The following KCNJ6 variants were observed in gnomAD, a reference collection of about 807,000 sequenced individuals.
The protein encoded by KCNJ6 is potassium inwardly rectifying channel subfamily J member 6, also known as G protein-activated inward rectifier potassium channel 2.
A neutral mutation model predicts 34.2 loss-of-function variants in KCNJ6; 9 were observed. The observed-to-expected ratio is 0.26, with a 90% confidence interval of 0.16 to 0.46. The LOEUF is 0.46. Ranked by LOEUF, KCNJ6 falls within the 20% of genes least tolerant of loss-of-function variation. The probability of loss-of-function intolerance (pLI) is 1.00; values close to 1 mark genes in which losing one functional copy is unlikely to be tolerated. For synonymous variants in KCNJ6, 196 were observed against 207.1 expected, an observed-to-expected ratio of 0.95 and a Z score of 0.46; for missense variants, 236 against 531.3, an observed-to-expected ratio of 0.44 and a Z score of 5.46.
chr21:37,629,811 T>C (rs573975865), intron 3 of KCNJ6, among the ~76,000 whole-genome samples: 2 of 152,362 alleles, frequency 1.3e-5, no homozygotes, highest in African/African-American at 4.8e-5. Flanking sequence ...TAGTGCCATT[T>C]GAAGAGGAGT....
chr21:37,637,099 T>A (rs1206448696), intron 3 of KCNJ6, among the ~76,000 whole-genome samples: 1 of 152,208 alleles, frequency 6.6e-6, no homozygotes, highest in African/African-American at 2.4e-5. Flanking sequence ...ATCAGTGCAG[T>A]AATAAAGTGT....
At chr21:37,764,838 G>A (rs758637413) in intron 2 of KCNJ6, among the ~76,000 whole-genome samples, 3 of 152,214 alleles carry the variant, frequency 2.0e-5, no homozygotes, top group Non-Finnish European at 2.9e-5. Context: ...ATTGAGGGTG[G>A]TTGATGGGGG....
chr21:37,679,238 C>T (rs2054580305), intron 3 of KCNJ6, among the ~76,000 whole-genome samples: 1 of 152,198 alleles, frequency 6.6e-6, no homozygotes, highest in Non-Finnish European at 1.5e-5. Flanking sequence ...CATAAGTACT[C>T]AGCTAAGTAG....
At chr21:37,653,790 T>C (rs2054444628) in intron 3 of KCNJ6, among the ~76,000 whole-genome samples, 3 of 152,226 alleles carry the variant, frequency 2.0e-5, no homozygotes, top group Admixed American at 6.5e-5. Flanking sequence ...TCCATTCTTA[T>C]CAGGTTGCAC....
chr21:37,897,226 C>T (rs548415952), intron 1 of KCNJ6, among the ~76,000 whole-genome samples: 49 of 152,310 alleles, frequency 3.2e-4, no homozygotes, highest in African/African-American at 1.2e-3. Context: ...CCTTACAGAA[C>T]CCCCATTGGT....
chr21:37,796,985 G>T (rs796225985), intron 2 of KCNJ6, among the ~76,000 whole-genome samples: 20 of 151,394 alleles, frequency 1.3e-4, no homozygotes, highest in African/African-American at 4.1e-4. Context: ...AGTAGAGACG[G>T]GGTTTCACCT....
chr21:37,809,058 A>G (rs2055308015), intron 2 of KCNJ6, among the ~76,000 whole-genome samples: 1 of 152,250 alleles, frequency 6.6e-6, no homozygotes, highest in Admixed American at 6.5e-5. Flanking sequence ...TCATGCTGCT[A>G]TAAAGACACA....
chr21:37,787,111 AG>A (rs2055196347), intron 2 of KCNJ6, among the ~76,000 whole-genome samples: 1 of 152,200 alleles, frequency 6.6e-6, no homozygotes, highest in Non-Finnish European at 1.5e-5. Flanking sequence ...CTCTGAATTC[AG>A]GCCAGCATCT....
chr21:37,863,682 A>G (rs1397600298), intron 1 of KCNJ6, among the ~76,000 whole-genome samples: 1 of 152,126 alleles, frequency 6.6e-6, no homozygotes, highest in East Asian at 1.9e-4. Flanking sequence ...ATTAGCTGGA[A>G]TTAAGAGCTA....
At chr21:37,861,555 C>T (rs1051516281) in intron 1 of KCNJ6, among the ~76,000 whole-genome samples, 7 of 152,160 alleles carry the variant, frequency 4.6e-5, no homozygotes, top group Middle Eastern at 6.3e-3. Context: ...CAATTTAGCC[C>T]CTAACATCTG....
chr21:37,899,240 T>C (rs1314542672), intron 1 of KCNJ6, among the ~76,000 whole-genome samples: 2 of 152,162 alleles, frequency 1.3e-5, no homozygotes, highest in African/African-American at 4.8e-5. Context: ...CTTTTGTGTA[T>C]AATCTCGGTA....
intron 1 of KCNJ6, among the ~76,000 whole-genome samples, chr21:37,882,101 G>A (rs2055711759): frequency 6.6e-6 from 1 of 152,190 alleles, no homozygotes; most frequent in South Asian, 2.1e-4. Flanking sequence ...TGAGAATTCA[G>A]TTAGAAGCTC....
chr21:37,821,297 A>G (rs954687060), intron 2 of KCNJ6, among the ~76,000 whole-genome samples: 1 of 152,188 alleles, frequency 6.6e-6, no homozygotes, highest in African/African-American at 2.4e-5. Flanking sequence ...CACTACCTCC[A>G]TCTAGTTCCC....
At chr21:37,664,187 A>G (rs969826316) in intron 3 of KCNJ6, among the ~76,000 whole-genome samples, 4 of 152,194 alleles carry the variant, frequency 2.6e-5, no homozygotes, top group African/African-American at 9.6e-5. Flanking sequence ...CTACATATAA[A>G]AAGTTTTGGG....
chr21:37,697,350 G>A (rs745729631), intron 3 of KCNJ6, among the ~76,000 whole-genome samples: 5 of 152,120 alleles, frequency 3.3e-5, no homozygotes, highest in Non-Finnish European at 7.4e-5. Context: ...AGGGTGTGAA[G>A]AATTTCGATT....
In KCNJ6 at chr21:37,881,684, C is replaced by T. The variant is rs189871681; in HGVS notation, c.-28+34200G>A. On this transcript the variant is annotated intron_variant, in intron 1 of 3. Coordinates refer to ENST00000609713, the MANE Select transcript of KCNJ6 (RefSeq NM_002240.5). ...GTATGAGTCTCCACCTCTTCTTCCT[C>T]GTCTTCTAAGACCACCTATCCTATT... is the stretch of plus-strand genomic sequence containing the variant. Among the ~76,000 whole-genome samples, 280 of 152,254 alleles carry T rather than the reference C, an allele frequency of 1.8e-3. 2 individuals carry two copies. Among genetic ancestry groups the T allele is most frequent in the Admixed American group, 3.3e-3 (51 of 15,286 alleles).
chr21:37,765,738 T>C (rs1445027025), intron 2 of KCNJ6, among the ~76,000 whole-genome samples: 1 of 152,214 alleles, frequency 6.6e-6, no homozygotes. Context: ...ATTAAAGAAG[T>C]TGTTCAAGTC....
At chr21:37,914,008 G>GGTGTGTGT (rs371432862) in intron 1 of KCNJ6, among the ~76,000 whole-genome samples, 12,914 of 135,434 alleles carry the variant, frequency 0.095, 736 homozygotes, top group East Asian at 0.15. Flanking sequence ...GGCGGATCGG[G>GGTGTGTGT]GTGTGTGTGT....
At chr21:37,694,593 T>C (rs1249304703) in intron 3 of KCNJ6, among the ~76,000 whole-genome samples, 2 of 152,194 alleles carry the variant, frequency 1.3e-5, no homozygotes, top group East Asian at 1.9e-4. Flanking sequence ...GGGGAACTTA[T>C]GTGGAGGCTA....
Sources: allele counts gnomAD v4.1 joint callset (sites outside exome capture counted in the v4.1 genomes callset), GRCh38; gene constraint gnomAD v4.1.1; transcripts MANE v1.5; gene names NCBI Gene and HGNC (gene_info 2026-07-23, HGNC 2026-07-21).